Variants in TMEM178B observed in about 807,000 individuals in gnomAD.
TMEM178B encodes transmembrane protein 178B.
In TMEM178B, 5 loss-of-function variants were observed where a neutral mutation model predicts 31.0. The ratio of observed to expected loss-of-function variants is 0.16; its 90% CI spans 0.08 to 0.34. The LOEUF (loss-of-function observed/expected upper bound fraction) is 0.34. TMEM178B is among the 10% of genes least tolerant of loss of function. TMEM178B has a pLI of 1.00. For synonymous variants in TMEM178B, 164 were observed against 164.0 expected (o/e 1.00, Z 0.00); for missense variants, 275 against 400.3 (o/e 0.69, Z 2.67).
In TMEM178B at chr7:141,171,999, A is replaced by G. The variant is rs1419424314; in HGVS notation, c.383-40592A>G. ...TGCGACCATTTATTGTGTACTTACTATGAGACAGGCACCGTAGTAGGTGCT... is the reference window on the plus strand; with the variant it reads ...TGCGACCATTTATTGTGTACTTACTGTGAGACAGGCACCGTAGTAGGTGCT... On this transcript the variant is annotated intron_variant, in intron 1 of 3. Transcript: ENST00000565468. The surrounding 1 kb of genome is among the most constrained non-coding windows in gnomAD (Gnocchi z 4.3). 3.3e-5 allele frequency among the ~76,000 whole-genome samples: 5 copies of G among 152,176 alleles called. No individual in the cohort carries two copies. The highest frequency in any genetic ancestry group is 2.9e-5 in the Non-Finnish European group (2 of 68,030).
intron 1 of TMEM178B, among the ~76,000 whole-genome samples, chr7:141,131,502 A>G (rs1795594325): frequency 6.6e-6 from 1 of 152,144 alleles, no homozygotes. Flanking sequence ...CCAATCACAA[A>G]TCTGACTTCT....
intron 2 of TMEM178B, among the ~76,000 whole-genome samples, chr7:141,281,617 G>A (rs761372330): frequency 6.6e-6 from 1 of 152,190 alleles, no homozygotes; most frequent in South Asian, 2.1e-4. Flanking sequence ...GAGGGTTCCT[G>A]TTTGTCCTGT....
intron 2 of TMEM178B, among the ~76,000 whole-genome samples, chr7:141,296,460 G>C (rs1260674136): frequency 2.0e-5 from 3 of 152,098 alleles, no homozygotes; most frequent in African/African-American, 7.2e-5. Flanking sequence ...TCTATGGCAG[G>C]CTAGGCACCA....
At chr7:141,347,240 A>G (rs1799636003) in intron 2 of TMEM178B, among the ~76,000 whole-genome samples, 1 of 152,206 alleles carries the variant, frequency 6.6e-6, no homozygotes, top group African/African-American at 2.4e-5. Flanking sequence ...TAAAGAAAAG[A>G]GAGGTGTGTC....
intron 2 of TMEM178B, among the ~76,000 whole-genome samples, chr7:141,229,013 CTTTTTTTTTTTTT>C (rs3035763): frequency 8.7e-5 from 7 of 80,560 alleles, no homozygotes; most frequent in Non-Finnish European, 1.1e-4. Flanking sequence ...TCAGTACTAT[CTTTTTTTTTTTTT>C]TTTTTTTTTG....
At chr7:141,200,022 G>C (rs1407282000) in intron 1 of TMEM178B, among the ~76,000 whole-genome samples, 1 of 151,948 alleles carries the variant, frequency 6.6e-6, no homozygotes, top group Non-Finnish European at 1.5e-5. Context: ...CTGCACCCCA[G>C]CCTGGGCAAC....
At chr7:141,305,294 A>G (rs958837854) in intron 2 of TMEM178B, among the ~76,000 whole-genome samples, 4 of 152,204 alleles carry the variant, frequency 2.6e-5, no homozygotes, top group Admixed American at 6.5e-5. Context: ...CATAGAACAC[A>G]TTCTGGGGGC....
chr7:141,447,834 G>C (rs901006241), intron 3 of TMEM178B, among the ~76,000 whole-genome samples: 2 of 152,048 alleles, frequency 1.3e-5, no homozygotes, highest in African/African-American at 4.8e-5. Context: ...TGAAAACCCA[G>C]GATGTCTCGT....
intron 2 of TMEM178B, among the ~76,000 whole-genome samples, chr7:141,237,426 G>A (rs962864138): frequency 6.6e-6 from 1 of 152,018 alleles, no homozygotes; most frequent in Non-Finnish European, 1.5e-5. Context: ...TGACATTTGC[G>A]CAGAATTTTT....
chr7:141,278,179 T>G lies in TMEM178B; in HGVS notation c.496+65475T>G, dbSNP rs552829193. Reference sequence around the variant, plus strand: ...TTCCAGAAAGGAAATATACACAATCTCAAGCTTCAGAATGAAGGCTTTGTT... The same window carrying G: ...TTCCAGAAAGGAAATATACACAATCGCAAGCTTCAGAATGAAGGCTTTGTT... On this transcript the variant is annotated intron_variant, in intron 2 of 3. Coordinates refer to ENST00000565468, the MANE Select transcript of TMEM178B (RefSeq NM_001195278.2). 1.9e-4 allele frequency among the ~76,000 whole-genome samples: 29 copies of G among 152,340 alleles called. No homozygotes were observed. The South Asian group carries it at 5.6e-3, about 29-fold the overall frequency.
Position 141,189,637 on chromosome 7 carries a change from C to T in TMEM178B, c.383-22954C>T, listed in dbSNP as rs561824552. Among the ~76,000 whole-genome samples the T allele has an allele frequency of 7.2e-5, 11 of 152,258 alleles. No homozygotes were observed. The South Asian group carries it at 2.3e-3, about 32-fold the overall frequency. The stretch of plus-strand genomic sequence containing the variant: ...CCCAGTCTGGTATATAAGGTCAGGG[C>T]GACTGGTATACAAGGTCAGGGCAGA... On this transcript the variant is annotated intron_variant, in intron 1 of 3. Transcript: ENST00000565468.
chr7:141,411,812 G>A (rs1386532392), intron 2 of TMEM178B, among the ~76,000 whole-genome samples: 1 of 152,220 alleles, frequency 6.6e-6, no homozygotes, highest in East Asian at 1.9e-4. Flanking sequence ...ACAAGCTGCT[G>A]AACCTAAGGA....
At chr7:141,367,067 G>C (rs911496095) in intron 2 of TMEM178B, among the ~76,000 whole-genome samples, 1 of 138,768 alleles carries the variant, frequency 7.2e-6, no homozygotes, top group African/African-American at 2.6e-5. Context: ...GCCATTCAGG[G>C]GGAGCCACAT....
chr7:141,456,714 CAGAT>C (rs1801970504), intron 3 of TMEM178B, among the ~76,000 whole-genome samples: 1 of 152,234 alleles, frequency 6.6e-6, no homozygotes, highest in Non-Finnish European at 1.5e-5. Context: ...CTCTGCCCTA[CAGAT>C]TCTCCAAGTT....
At chr7:141,245,631 C>T (rs1474382731) in intron 2 of TMEM178B, among the ~76,000 whole-genome samples, 1 of 152,214 alleles carries the variant, frequency 6.6e-6, no homozygotes, top group African/African-American at 2.4e-5. Context: ...AAATAGTGCT[C>T]ATACGCTTTC....
At chr7:141,154,604 T>C (rs374578895) in intron 1 of TMEM178B, among the ~76,000 whole-genome samples, 79 of 152,340 alleles carry the variant, frequency 5.2e-4, no homozygotes, top group African/African-American at 1.9e-3. Flanking sequence ...CATTGGATCC[T>C]TTCTCCATGG....
chr7:141,394,264 G>A (rs1259370329), intron 2 of TMEM178B, among the ~76,000 whole-genome samples: 3 of 152,212 alleles, frequency 2.0e-5, no homozygotes, highest in Non-Finnish European at 2.9e-5. Flanking sequence ...GCTGGTCTTG[G>A]TGCTTGTCTA....
chr7:141,278,182 A>T (rs948875239), intron 2 of TMEM178B, among the ~76,000 whole-genome samples: 3 of 152,240 alleles, frequency 2.0e-5, no homozygotes, highest in Non-Finnish European at 4.4e-5. Flanking sequence ...CACAATCTCA[A>T]GCTTCAGAAT....
chr7:141,359,629 G>T (rs1799882865), intron 2 of TMEM178B, among the ~76,000 whole-genome samples: 1 of 152,156 alleles, frequency 6.6e-6, no homozygotes, highest in Non-Finnish European at 1.5e-5. Context: ...TGGAGTTCTT[G>T]TGAATAGGGA....
Sources: allele counts gnomAD v4.1 joint callset (sites outside exome capture counted in the v4.1 genomes callset), GRCh38; gene constraint gnomAD v4.1.1; non-coding constraint Gnocchi (gnomAD v3.1); transcripts MANE v1.5; gene names NCBI Gene and HGNC (gene_info 2026-07-23, HGNC 2026-07-21).